Variants in STK4 observed in about 807,000 individuals in gnomAD.
The protein encoded by STK4 is serine/threonine-protein kinase 4.
In STK4, 30 loss-of-function variants were observed where a neutral mutation model predicts 64.9. That is an observed-to-expected ratio of 0.46 (90% CI 0.35 to 0.63). The LOEUF (loss-of-function observed/expected upper bound fraction) is 0.63. Among genes scored for constraint, STK4 ranks in the 20% least tolerant of loss-of-function variants. The pLI is 0.01. For synonymous variants in STK4, 177 were observed against 199.0 expected, an observed-to-expected ratio of 0.89 and a Z score of 0.93; for missense variants, 466 against 598.5, an observed-to-expected ratio of 0.78 and a Z score of 2.31.
chr20:45,022,763 G>T (rs2068270598), intron 9 of STK4, among the ~76,000 whole-genome samples: 1 of 152,160 alleles, frequency 6.6e-6, no homozygotes, highest in Non-Finnish European at 1.5e-5. Flanking sequence ...CGCCCTTATG[G>T]TTTTTGTAAA....
chr20:45,045,898 C>A (rs1457803331), intron 10 of STK4, among the ~76,000 whole-genome samples: 1 of 151,976 alleles, frequency 6.6e-6, no homozygotes, highest in East Asian at 1.9e-4. Context: ...CCTCTGCCTC[C>A]CGGGTTCAAA....
intron 3 of STK4, among the ~76,000 whole-genome samples, chr20:44,981,148 G>A (rs1226882226): frequency 2.0e-5 from 3 of 150,696 alleles, no homozygotes; most frequent in South Asian, 2.1e-4. Context: ...TTTATTATAC[G>A]GCTATAGCAT....
intron 9 of STK4, among the ~76,000 whole-genome samples, chr20:45,012,796 C>CTTTT (rs11472577): frequency 2.1e-4 from 16 of 77,848 alleles, no homozygotes; most frequent in African/African-American, 4.4e-4. Context: ...TCTTCTTCTT[C>CTTTT]TTCTTTTTTT....
chr20:45,066,234 C>T (rs1485353472), intron 10 of STK4, among the ~76,000 whole-genome samples: 1 of 149,358 alleles, frequency 6.7e-6, no homozygotes, highest in African/African-American at 2.5e-5. Flanking sequence ...CTAGATAGTA[C>T]CAAAATATAT....
rs181932816 is a variant in STK4, at chr20:44,979,262, G to A, written c.245+691G>A. 1.8e-3 allele frequency among the ~76,000 whole-genome samples: 273 copies of A among 152,166 alleles called. 1 individual carries two copies. The highest frequency in any genetic ancestry group is 6.4e-3 in the African/African-American group (264 of 41,504). ...GAACAGATAATTCAAATGTTTTTTA[G>A]TTCTAGAAACCTTAGAATATCAGGT... On this transcript the variant is annotated intron_variant, in intron 3 of 10. Transcript: ENST00000372806.
chr20:44,972,593 T>A (rs1433072037), intron 2 of STK4: 1 of 153,308 alleles, frequency 6.5e-6, no homozygotes, highest in African/African-American at 2.4e-5. Context: ...ACTTAGGAGA[T>A]CCACAATCCT....
At chr20:45,074,861 T>C (rs186390774) in intron 10 of STK4, among the ~76,000 whole-genome samples, 157 bp from the exon 11 acceptor site, 5 of 152,234 alleles carry the variant, frequency 3.3e-5, no homozygotes, top group Admixed American at 1.3e-4. Context: ...TTGGAATGAA[T>C]TGTCACTTTC....
At chr20:45,042,334 T>C (rs574339479) in intron 10 of STK4, among the ~76,000 whole-genome samples, 1 of 152,256 alleles carries the variant, frequency 6.6e-6, no homozygotes, top group East Asian at 1.9e-4. Flanking sequence ...GGACATGAAA[T>C]GTTGAGAAGA....
intron 5 of STK4, among the ~76,000 whole-genome samples, chr20:44,990,539 C>T (rs2067613791): frequency 6.6e-6 from 1 of 152,022 alleles, no homozygotes; most frequent in Non-Finnish European, 1.5e-5. Flanking sequence ...TCCAGTACTA[C>T]TAAGTTTAGG....
intron 9 of STK4, among the ~76,000 whole-genome samples, chr20:45,008,293 G>T (rs1471883327): frequency 6.6e-6 from 1 of 152,136 alleles, no homozygotes; most frequent in Non-Finnish European, 1.5e-5. Flanking sequence ...GACCTCAAAT[G>T]ATCCACCCGC....
At chr20:45,019,932 G>A (rs983576780) in intron 9 of STK4, among the ~76,000 whole-genome samples, 1 of 152,168 alleles carries the variant, frequency 6.6e-6, no homozygotes, top group Non-Finnish European at 1.5e-5. Flanking sequence ...AACGGGTGCT[G>A]AAAGAAAAGT....
intron 4 of STK4, among the ~76,000 whole-genome samples, chr20:44,985,550 C>T (rs1024878208): frequency 6.6e-6 from 1 of 152,106 alleles, no homozygotes; most frequent in Non-Finnish European, 1.5e-5. Flanking sequence ...GCCATGTTGG[C>T]CAGGCTGGTC....
chr20:44,966,514 G>A lies in STK4; in HGVS notation c.-55G>A. 8.0e-7 allele frequency: 1 copy of A among 1,252,744 alleles called. No homozygotes were observed. The highest frequency in any genetic ancestry group is 1.0e-6 in the Non-Finnish European group (1 of 989,770). The allele number at this position is 1,252,744 out of a possible 1,614,324, so 77.6% of individuals were successfully genotyped here. ...GGGAGGGTCTGCGGGGCGGGCTCAG[G>A]AGGTCCGCGGGAGGATGGAGCAGTG... On this transcript the variant is annotated 5_prime_UTR_variant, in exon 1 of 11. Transcript: ENST00000372806.
intron 9 of STK4, among the ~76,000 whole-genome samples, chr20:45,012,751 T>A (rs1375997282): frequency 1.3e-5 from 2 of 151,496 alleles, no homozygotes; most frequent in Non-Finnish European, 2.9e-5. Context: ...ATTATGATTA[T>A]AGTTTTTCCT....
intron 10 of STK4, among the ~76,000 whole-genome samples, chr20:45,035,705 C>T (rs1406419772): frequency 6.6e-6 from 1 of 152,120 alleles, no homozygotes; most frequent in Non-Finnish European, 1.5e-5. Context: ...CTAGCAATTG[C>T]CCAGCTTAGA....
intron 10 of STK4, among the ~76,000 whole-genome samples, chr20:45,054,555 CTATCT>C (rs1412565479): frequency 7.5e-6 from 1 of 133,570 alleles, no homozygotes; most frequent in Non-Finnish European, 1.6e-5. Flanking sequence ...GTGGGACACC[CTATCT>C]TTTTTTTTTT....
At chr20:45,009,480 T>G (rs1322374433) in intron 9 of STK4, among the ~76,000 whole-genome samples, 1 of 152,216 alleles carries the variant, frequency 6.6e-6, no homozygotes, top group East Asian at 1.9e-4. Context: ...TGCCTCTGGC[T>G]TTGTTCTTTT....
At chr20:45,074,896 T>C (rs987664667) in intron 10 of STK4, 122 bp from the exon 11 acceptor site, 9 of 1,187,708 alleles carry the variant, frequency 7.6e-6, no homozygotes, top group Admixed American at 2.1e-5. Context: ...CAACCTGTGA[T>C]CTGACCACAG....
Position 45,000,505 on chromosome 20 carries a change from C to A in STK4, c.945C>A (p.Asp315Glu). The change falls in exon 8 of 11, where the codon GAC becomes GAA. Residue 315 changes from aspartate (D) to glutamate (E), a missense_variant. By Grantham distance (45) the Asp-to-Glu change is conservative. Coordinates refer to ENST00000372806, the MANE Select transcript of STK4 (RefSeq NM_006282.5). ...CCCAGCAGCGGGAAGTGGACCAGGA[C>A]GATGAAGAAAACTCAGTGAGTGGCA... ...QESQQREVDQ[D>E]DEENSEEDEM... 6.2e-7 allele frequency: 1 copy of A among 1,613,948 alleles called. No homozygotes were observed. Among genetic ancestry groups the A allele is most frequent in the Non-Finnish European group, 8.5e-7 (1 of 1,179,926 alleles).
Sources: gnomAD v4.1 joint callset for allele counts (sites outside exome capture counted in the v4.1 genomes callset) on GRCh38, gnomAD v4.1.1 for gene constraint, MANE v1.5 for transcripts, NCBI Gene and HGNC (gene_info 2026-07-23, HGNC 2026-07-21) for gene names.